Variants in KCND2 observed in about 807,000 individuals in gnomAD.
KCND2 encodes the protein A-type voltage-gated potassium channel KCND2.
In KCND2, 16 loss-of-function variants were observed where a neutral mutation model predicts 54.4. That is an observed-to-expected ratio of 0.29 (90% CI 0.20 to 0.45). The LOEUF (loss-of-function observed/expected upper bound fraction) is 0.45, where lower values mean the gene tolerates loss of function less well. KCND2 is among the 20% of genes least tolerant of loss of function. KCND2 has a pLI of 1.00. For missense variants in KCND2, 486 were observed against 824.2 expected (o/e 0.59, Z 5.02); for synonymous variants, 317 against 310.7 (o/e 1.02, Z -0.21).
In KCND2 at chr7:120,345,988, A is replaced by C. The variant is rs369857736; in HGVS notation, c.1115+70241A>C. Among the ~76,000 whole-genome samples the C allele has an allele frequency of 3.3e-5, 5 of 152,294 alleles. No individual in the cohort carries two copies. The East Asian group carries it at 7.7e-4, about 24-fold the overall frequency. Reference sequence around the variant, plus strand: ...AACAGAACAGAGTTCTGGTTTTTCTACATACTCACCAACACTTGTTATTTT... The same window carrying C: ...AACAGAACAGAGTTCTGGTTTTTCTCCATACTCACCAACACTTGTTATTTT... On this transcript the variant is annotated intron_variant, in intron 1 of 5. Transcript: ENST00000331113.
chr7:120,710,263 TTGCACAC>T (rs1157084581), intron 1 of KCND2, among the ~76,000 whole-genome samples: 1 of 152,106 alleles, frequency 6.6e-6, no homozygotes, highest in Non-Finnish European at 1.5e-5. Context: ...ATACATATGT[TTGCACAC>T]CAGGAACAAG....
chr7:120,347,800 A>G (rs571236477), intron 1 of KCND2, among the ~76,000 whole-genome samples: 55 of 151,926 alleles, frequency 3.6e-4, no homozygotes, highest in Non-Finnish European at 4.1e-4. Context: ...AGATTATTGT[A>G]GTCTGTTCAG....
intron 1 of KCND2, among the ~76,000 whole-genome samples, chr7:120,692,718 C>G (rs1792284867): frequency 6.6e-6 from 1 of 152,202 alleles, no homozygotes; most frequent in African/African-American, 2.4e-5. Flanking sequence ...GTACGCTCAC[C>G]TCGATGGGGA....
chr7:120,543,372 T>G (rs1792005559), intron 1 of KCND2, among the ~76,000 whole-genome samples: 1 of 151,912 alleles, frequency 6.6e-6, no homozygotes, highest in Non-Finnish European at 1.5e-5. Flanking sequence ...ATTTTCCAAT[T>G]AGGACTAACA....
chr7:120,687,667 T>TA (rs1307021931), intron 1 of KCND2, among the ~76,000 whole-genome samples: 2 of 151,908 alleles, frequency 1.3e-5, no homozygotes, highest in South Asian at 4.2e-4. Context: ...AAAAACAACA[T>TA]AAAAAAACCC....
At chr7:120,466,539 C>T (rs951885782) in intron 1 of KCND2, among the ~76,000 whole-genome samples, 3 of 152,058 alleles carry the variant, frequency 2.0e-5, no homozygotes, top group Non-Finnish European at 4.4e-5. Flanking sequence ...TTCTTGCCTT[C>T]TCGAGATCAT....
chr7:120,726,926 G>C (rs1161394679), intron 1 of KCND2, among the ~76,000 whole-genome samples: 1 of 152,090 alleles, frequency 6.6e-6, no homozygotes, highest in East Asian at 1.9e-4. Flanking sequence ...TAAGCATCAA[G>C]GTTTATTTTA....
chr7:120,475,082 A>C (rs1802514476), intron 1 of KCND2, among the ~76,000 whole-genome samples: 1 of 152,220 alleles, frequency 6.6e-6, no homozygotes, highest in Admixed American at 6.5e-5. Context: ...CTCTATGTGA[A>C]ATGTTGCTAT....
intron 1 of KCND2, among the ~76,000 whole-genome samples, chr7:120,567,856 G>C (rs1272773631): frequency 3.9e-5 from 6 of 152,058 alleles, no homozygotes; most frequent in African/African-American, 1.4e-4. Flanking sequence ...GATATTTGTA[G>C]ATAAGATCAC....
chr7:120,676,057 T>G (rs1262802605), intron 1 of KCND2, among the ~76,000 whole-genome samples: 1 of 151,980 alleles, frequency 6.6e-6, no homozygotes, highest in Non-Finnish European at 1.5e-5. Context: ...AAGCTGGTCT[T>G]GAACTCCTGA....
At chr7:120,480,906 A>G (rs999051841) in intron 1 of KCND2, among the ~76,000 whole-genome samples, 1 of 152,240 alleles carries the variant, frequency 6.6e-6, no homozygotes, top group Admixed American at 6.5e-5. Flanking sequence ...GAACTGGGTT[A>G]TAAGTGGAGA....
At chr7:120,328,958 T>C (rs1485092529) in intron 1 of KCND2, among the ~76,000 whole-genome samples, 1 of 152,192 alleles carries the variant, frequency 6.6e-6, no homozygotes. Flanking sequence ...AATATCTTGC[T>C]ATGAATTGTT....
At chr7:120,652,825 G>A (rs1791754932) in intron 1 of KCND2, among the ~76,000 whole-genome samples, 1 of 152,214 alleles carries the variant, frequency 6.6e-6, no homozygotes, top group Non-Finnish European at 1.5e-5. Flanking sequence ...GATCTGAAGA[G>A]AGGAAGAAAC....
At chr7:120,625,549 T>G (rs1562891350) in intron 1 of KCND2, among the ~76,000 whole-genome samples, 1 of 152,164 alleles carries the variant, frequency 6.6e-6, no homozygotes, top group Non-Finnish European at 1.5e-5. Context: ...TTCATTTAGT[T>G]AAAACAGAAA....
chr7:120,661,676 C>T (rs1791868482), intron 1 of KCND2, among the ~76,000 whole-genome samples: 1 of 151,418 alleles, frequency 6.6e-6, no homozygotes, highest in Non-Finnish European at 1.5e-5. Flanking sequence ...GAAAGGAGAG[C>T]AGGAGGTCTG....
At chr7:120,618,065 C>A (rs1793051175) in intron 1 of KCND2, among the ~76,000 whole-genome samples, 1 of 152,048 alleles carries the variant, frequency 6.6e-6, no homozygotes, top group Non-Finnish European at 1.5e-5. Context: ...GAGTACTATG[C>A]CGAATACCTG....
chr7:120,511,166 T>C (rs1803108868), intron 1 of KCND2, among the ~76,000 whole-genome samples: 1 of 152,040 alleles, frequency 6.6e-6, no homozygotes, highest in Non-Finnish European at 1.5e-5. Flanking sequence ...ATTTTTTGAA[T>C]CTGGAGAACT....
chr7:120,626,899 A>G (rs1458995101), intron 1 of KCND2, among the ~76,000 whole-genome samples: 1 of 152,202 alleles, frequency 6.6e-6, no homozygotes, highest in East Asian at 1.9e-4. Context: ...AAAAGTCCCT[A>G]AAGAAATCCT....
intron 1 of KCND2, among the ~76,000 whole-genome samples, chr7:120,694,000 C>T (rs988331966): frequency 1.3e-5 from 2 of 152,172 alleles, no homozygotes; most frequent in Non-Finnish European, 1.5e-5. Context: ...GAGACTGAGG[C>T]GAGAGGATGC....
Sources: gnomAD v4.1 joint callset for allele counts (sites outside exome capture counted in the v4.1 genomes callset) on GRCh38, gnomAD v4.1.1 for gene constraint, MANE v1.5 for transcripts, NCBI Gene and HGNC (gene_info 2026-07-23, HGNC 2026-07-21) for gene names.